The following BRD10 variants were observed in gnomAD, a reference collection of about 807,000 sequenced individuals.
BRD10 encodes the protein uncharacterized bromodomain-containing protein 10.
At chr9:5,920,159 G>A in the BRD10 span, 1 of 1,613,970 alleles carries the variant, frequency 6.2e-7, no homozygotes. Flanking sequence ...ATTATTTGAT[G>A]CTAGTGTGAT....
chr9:5,921,751 T>C, the BRD10 span: 1 of 1,613,998 alleles, frequency 6.2e-7, no homozygotes, highest in Non-Finnish European at 8.5e-7. Flanking sequence ...TAATTACACT[T>C]ACCGAACTAC....
At chr9:5,895,257 G>C in the BRD10 span, among the ~76,000 whole-genome samples, 1 of 152,084 alleles carries the variant, frequency 6.6e-6, no homozygotes, top group South Asian at 2.1e-4. Context: ...GAAGGAGATC[G>C]GTCCAGAAAA....
chr9:5,981,624 CTAT>C, the BRD10 span, among the ~76,000 whole-genome samples: 1 of 150,368 alleles, frequency 6.7e-6, no homozygotes, highest in African/African-American at 2.4e-5. Context: ...TATCTATCTT[CTAT>C]CTATCTATCT....
the BRD10 span, among the ~76,000 whole-genome samples, chr9:5,951,939 C>G: frequency 2.6e-5 from 4 of 152,154 alleles, no homozygotes; most frequent in African/African-American, 9.6e-5. Context: ...TATCCTCTCT[C>G]TCTCTCTTCT....
the BRD10 span, among the ~76,000 whole-genome samples, chr9:6,006,761 G>C: frequency 3.3e-5 from 5 of 152,122 alleles, no homozygotes; most frequent in Admixed American, 1.3e-4. Flanking sequence ...TTTTTTAATG[G>C]TTTAAGACAC....
At chr9:5,999,707 A>G in the BRD10 span, among the ~76,000 whole-genome samples, 1 of 152,184 alleles carries the variant, frequency 6.6e-6, no homozygotes, top group Non-Finnish European at 1.5e-5. Flanking sequence ...TACACACAGT[A>G]GCTCTTTTTG....
At chr9:6,007,611 C>G in the BRD10 span, 2 of 1,605,422 alleles carry the variant, frequency 1.2e-6, no homozygotes, top group South Asian at 1.1e-5. Flanking sequence ...TCGCCTCCAT[C>G]TCTTCCTCCT....
chr9:5,914,926 G>A, the BRD10 span, among the ~76,000 whole-genome samples: 2 of 152,000 alleles, frequency 1.3e-5, no homozygotes, highest in African/African-American at 4.8e-5. Context: ...TACAAAAAAT[G>A]TGAATAACAA....
At chr9:5,988,878 A>T in the BRD10 span, among the ~76,000 whole-genome samples, 1 of 152,250 alleles carries the variant, frequency 6.6e-6, no homozygotes. Flanking sequence ...GAGAAAATGT[A>T]CAATAATACA....
the BRD10 span, among the ~76,000 whole-genome samples, chr9:5,946,574 T>C: frequency 6.6e-6 from 1 of 152,114 alleles, no homozygotes; most frequent in Admixed American, 6.6e-5. Flanking sequence ...GACTAAACTT[T>C]TCATAGTATA....
the BRD10 span, among the ~76,000 whole-genome samples, chr9:5,960,687 A>C: frequency 2.0e-5 from 3 of 152,320 alleles, no homozygotes; most frequent in African/African-American, 7.2e-5. Context: ...ATGCGTCTGT[A>C]ATCTTTTTTG....
the BRD10 span, among the ~76,000 whole-genome samples, chr9:5,885,028 G>A: frequency 1.1e-4 from 16 of 152,190 alleles, no homozygotes; most frequent in Admixed American, 6.5e-4. Context: ...TCTTGCTCTC[G>A]GGTGTCTGAG....
At chr9:5,964,336 C>A in the BRD10 span, among the ~76,000 whole-genome samples, 9 of 151,766 alleles carry the variant, frequency 5.9e-5, no homozygotes, top group East Asian at 1.7e-3. Context: ...CAGAGAAATG[C>A]AAATCAAAAC....
the BRD10 span, chr9:5,968,279 T>C: frequency 1.2e-6 from 2 of 1,612,178 alleles, no homozygotes; most frequent in Admixed American, 1.7e-5. Context: ...AATTTCTGGA[T>C]GATCACTGTG....
the BRD10 span, chr9:5,968,178 T>G: frequency 1.9e-6 from 3 of 1,610,354 alleles, no homozygotes; most frequent in Admixed American, 5.1e-5. Flanking sequence ...TTCTTTTTCT[T>G]CTTTTTTGCC....
At chr9:5,964,987 C>T in the BRD10 span, among the ~76,000 whole-genome samples, 22 of 144,946 alleles carry the variant, frequency 1.5e-4, no homozygotes, top group Middle Eastern at 3.7e-3. Flanking sequence ...AGCGCACCAG[C>T]ATGGCACATG....
At chr9:5,895,483 T>G in the BRD10 span, among the ~76,000 whole-genome samples, 1 of 152,188 alleles carries the variant, frequency 6.6e-6, no homozygotes, top group Non-Finnish European at 1.5e-5. Context: ...ATATTTATCC[T>G]TCTCACAATT....
the BRD10 span, among the ~76,000 whole-genome samples, chr9:5,942,371 T>TACTCCC: frequency 5.7e-4 from 86 of 152,212 alleles, no homozygotes; most frequent in Non-Finnish European, 1.1e-3. Context: ...TGGAACACCT[T>TACTCCC]ACTCCCAAAT....
chr9:5,950,570 G>A, the BRD10 span, among the ~76,000 whole-genome samples: 1 of 152,130 alleles, frequency 6.6e-6, no homozygotes, highest in Non-Finnish European at 1.5e-5. Context: ...AAGGTCTTTT[G>A]GAGGATGAAA....
Sources: allele counts gnomAD v4.1 joint callset (sites outside exome capture counted in the v4.1 genomes callset), GRCh38; gene constraint gnomAD v4.1.1; transcripts MANE v1.5; gene names NCBI Gene and HGNC (gene_info 2026-07-23, HGNC 2026-07-21).